Variants in ELFN1 observed in about 807,000 individuals in gnomAD.
ELFN1 encodes the protein extracellular leucine rich repeat and fibronectin type III domain containing 1, also known as protein ELFN1.
In ELFN1, 6 loss-of-function variants were observed where a neutral mutation model predicts 7.6. The observed-to-expected ratio is 0.79, with a 90% confidence interval of 0.43 to 1.56. The LOEUF (loss-of-function observed/expected upper bound fraction) is 1.56. ELFN1 is among the 40% of genes most tolerant of loss of function. ELFN1 has a pLI of 0.01. For synonymous variants in ELFN1, 657 were observed against 588.1 expected, an observed-to-expected ratio of 1.12 and a Z score of -1.70; for missense variants, 1,169 against 1,232.2, an observed-to-expected ratio of 0.95 and a Z score of 0.77.
intron 2 of ELFN1, among the ~76,000 whole-genome samples, chr7:1,694,894 G>C (rs1779267682): frequency 6.6e-6 from 1 of 152,224 alleles, no homozygotes; most frequent in Non-Finnish European, 1.5e-5. Flanking sequence ...CAGAACCAAA[G>C]AAACTGTCTG....
upstream of ELFN1, among the ~76,000 whole-genome samples, chr7:1,667,663 G>A (rs1778690570): frequency 6.6e-6 from 1 of 152,100 alleles, no homozygotes. The surrounding 1 kb of genome is among the most constrained non-coding windows in gnomAD (Gnocchi z 8.2). Context: ...AGGCAGCGTG[G>A]GGATCTTTGT....
intron 1 of ELFN1, among the ~76,000 whole-genome samples, chr7:1,681,307 G>A (rs1778971484): frequency 1.3e-5 from 2 of 152,054 alleles, no homozygotes; most frequent in Non-Finnish European, 2.9e-5. Context: ...GTGAACATTC[G>A]TGCACAAACT....
chr7:1,677,848 G>C (rs972170703), intron 1 of ELFN1, among the ~76,000 whole-genome samples: 1 of 152,052 alleles, frequency 6.6e-6, no homozygotes, highest in Non-Finnish European at 1.5e-5. Context: ...GAGCTCCCGC[G>C]GGTTCCTGGT....
At chr7:1,668,321 G>C (rs576486452), upstream of ELFN1, among the ~76,000 whole-genome samples, 2 of 152,356 alleles carry the variant, frequency 1.3e-5, no homozygotes, top group East Asian at 3.9e-4. Context: ...CGGCTCCTCC[G>C]GGCAGGCGCC....
intron 3 of ELFN1, among the ~76,000 whole-genome samples, chr7:1,729,462 AC>A (rs1336011421): frequency 6.6e-6 from 1 of 150,940 alleles, no homozygotes. Context: ...ATGGGACCAC[AC>A]CCCCCACCAC....
At chr7:1,717,899 C>A (rs1779883589) in intron 3 of ELFN1, among the ~76,000 whole-genome samples, 1 of 152,164 alleles carries the variant, frequency 6.6e-6, no homozygotes, top group African/African-American at 2.4e-5. Flanking sequence ...TTGTGCCAGG[C>A]CCCCTCCCTT....
At chr7:1,704,535 A>ACTGGGT (rs1562366885) in intron 2 of ELFN1, among the ~76,000 whole-genome samples, 1 of 152,158 alleles carries the variant, frequency 6.6e-6, no homozygotes, top group African/African-American at 2.4e-5. Flanking sequence ...CATGTGGGTC[A>ACTGGGT]CTGGGTCTCG....
chr7:1,689,164 T>A (rs1779111112), intron 2 of ELFN1, among the ~76,000 whole-genome samples: 1 of 152,246 alleles, frequency 6.6e-6, no homozygotes, highest in East Asian at 1.9e-4. Context: ...CAAGTTGTGA[T>A]GCTTATAGTT....
chr7:1,709,636 T>C (rs942915591), intron 3 of ELFN1, among the ~76,000 whole-genome samples: 1 of 152,266 alleles, frequency 6.6e-6, no homozygotes, highest in Non-Finnish European at 1.5e-5. Flanking sequence ...TATGGTCCAG[T>C]GTTTGAGCGT....
Position 1,740,672 on chromosome 7 carries a change from G to A in ELFN1, c.-293-3632G>A, listed in dbSNP as rs573868949. 4.3e-3 allele frequency among the ~76,000 whole-genome samples: 647 copies of A among 152,212 alleles called. 4 individuals carry two copies. The highest frequency in any genetic ancestry group is 7.2e-3 in the Non-Finnish European group (488 of 68,002). ...TCTGCCCTTGGGGACTCCTGGACCC[G>A]GGCCACCCCCCGAACCCCTCCTAGC... On this transcript the variant is annotated intron_variant, in intron 3 of 3. Coordinates refer to ENST00000424383, the MANE Select transcript of ELFN1 (RefSeq NM_001128636.4). This position sits in a 1 kb window ranked among gnomAD's most constrained non-coding sequence, Gnocchi z 5.0.
rs747147896 is a variant in ELFN1 at position 1,746,420 on chromosome 7, G to A, written c.1824G>A (p.Lys608=). Reference sequence around the variant, plus strand: ...TGCTGTCCGAGCCGCTGGCCGCCAAGCACGGCTTCCTGGCGCCCGGGTACA... The same window carrying A: ...TGCTGTCCGAGCCGCTGGCCGCCAAACACGGCTTCCTGGCGCCCGGGTACA... ...LVLLSEPLAA[K]HGFLAPGYKD... Residue 608 remains lysine (K), a synonymous_variant, in exon 4 of 4, where the codon AAG becomes AAA. Coordinates refer to ENST00000424383, the MANE Select transcript of ELFN1 (RefSeq NM_001128636.4). 288 of 1,533,956 alleles carry A rather than the reference G, an allele frequency of 1.9e-4. No homozygotes were observed. Among genetic ancestry groups the A allele is most frequent in the Non-Finnish European group, 2.2e-4 (257 of 1,142,276 alleles).
chr7:1,703,650 G>A (rs531245436), intron 2 of ELFN1, among the ~76,000 whole-genome samples: 5 of 152,244 alleles, frequency 3.3e-5, no homozygotes, highest in African/African-American at 9.6e-5. Flanking sequence ...TTCCTCTGTC[G>A]GTGCTGAGCG....
At chr7:1,727,613 A>G (rs1780232795) in intron 3 of ELFN1, among the ~76,000 whole-genome samples, 1 of 152,016 alleles carries the variant, frequency 6.6e-6, no homozygotes, top group African/African-American at 2.4e-5. Context: ...GTCTGCCTGG[A>G]TGCTTTGGCC....
intron 3 of ELFN1, among the ~76,000 whole-genome samples, chr7:1,742,462 C>T (rs1403036944): frequency 6.6e-6 from 1 of 152,218 alleles, no homozygotes; most frequent in Non-Finnish European, 1.5e-5. Context: ...GGGCACGGTG[C>T]AGGGATGGTG....
intron 2 of ELFN1, among the ~76,000 whole-genome samples, chr7:1,691,095 C>A (rs1201354993): frequency 6.6e-6 from 1 of 152,130 alleles, no homozygotes; most frequent in African/African-American, 2.4e-5. Context: ...AATGAGGCCC[C>A]CAGAAGTGGC....
chr7:1,727,421 C>A (rs539793665), intron 3 of ELFN1, among the ~76,000 whole-genome samples: 1 of 152,130 alleles, frequency 6.6e-6, no homozygotes, highest in Non-Finnish European at 1.5e-5. Flanking sequence ...TCCCTTTTCT[C>A]TTTTCCATGA....
chr7:1,685,954 T>C (rs1287589247), intron 1 of ELFN1, among the ~76,000 whole-genome samples: 1 of 147,842 alleles, frequency 6.8e-6, no homozygotes, highest in Non-Finnish European at 1.5e-5. Flanking sequence ...TATATATAGT[T>C]ATATTATACA....
upstream of ELFN1, among the ~76,000 whole-genome samples, chr7:1,667,173 C>G (rs1040389831): frequency 4.6e-5 from 7 of 152,016 alleles, no homozygotes; most frequent in African/African-American, 1.7e-4. The surrounding 1 kb of genome is among the most constrained non-coding windows in gnomAD (Gnocchi z 8.2). Flanking sequence ...GGTGGCCACC[C>G]GGTCACGGCC....
intron 1 of ELFN1, among the ~76,000 whole-genome samples, chr7:1,672,252 C>T (rs951219863): frequency 2.6e-5 from 4 of 152,100 alleles, no homozygotes; most frequent in South Asian, 4.1e-4. Flanking sequence ...GGAGGGAGGG[C>T]GGCGTCCCTT....
Sources: gnomAD v4.1 joint callset for allele counts (sites outside exome capture counted in the v4.1 genomes callset) on GRCh38, gnomAD v4.1.1 for gene constraint, Gnocchi (gnomAD v3.1) non-coding constraint, MANE v1.5 for transcripts, NCBI Gene and HGNC (gene_info 2026-07-23, HGNC 2026-07-21) for gene names.